ABI2: variants seen among roughly 807,000 people sequenced by gnomAD.
The protein encoded by ABI2 is abelson interactor 2.
In ABI2, 25 loss-of-function variants were observed where a neutral mutation model predicts 59.2. The ratio of observed to expected loss-of-function variants is 0.42; its 90% CI spans 0.31 to 0.59. The LOEUF (loss-of-function observed/expected upper bound fraction) is 0.59, where lower values mean the gene tolerates loss of function less well. ABI2 is among the 20% of genes least tolerant of loss of function. ABI2 has a pLI of 0.14. For synonymous variants in ABI2, 213 were observed against 235.5 expected (o/e 0.90, Z 0.87); for missense variants, 545 against 681.8 (o/e 0.80, Z 2.23).
intron 11 of ABI2, among the ~76,000 whole-genome samples, chr2:203,422,692 G>T (rs1457529568): frequency 9.9e-5 from 15 of 152,168 alleles, no homozygotes; most frequent in African/African-American, 3.4e-4. Flanking sequence ...AAAGTAGAAG[G>T]CCAGTTTTTT....
chr2:203,415,615 T>A (rs1386920934), intron 10 of ABI2, among the ~76,000 whole-genome samples: 12 of 38,742 alleles, frequency 3.1e-4, no homozygotes, highest in African/African-American at 1.0e-3. Context: ...AGACTCCGTC[T>A]CAAAAAAAAA....
chr2:203,362,235 C>T (rs2093615818), intron 1 of ABI2, among the ~76,000 whole-genome samples: 1 of 152,068 alleles, frequency 6.6e-6, no homozygotes, highest in Non-Finnish European at 1.5e-5. Flanking sequence ...CTATTGTGGT[C>T]TGTTTTTCAT....
chr2:203,381,605 A>G (rs1559282285), intron 3 of ABI2, among the ~76,000 whole-genome samples: 2 of 152,224 alleles, frequency 1.3e-5, no homozygotes, highest in African/African-American at 4.8e-5. Flanking sequence ...ATGCATTTAG[A>G]TTACTAATAA....
At chr2:203,333,920 ATTTTTTCTTTTC>A (rs1223570785) in intron 1 of ABI2, among the ~76,000 whole-genome samples, 1 of 148,644 alleles carries the variant, frequency 6.7e-6, no homozygotes, top group African/African-American at 2.5e-5. Context: ...CTGTTCATTT[ATTTTTTCTTTTC>A]TTTTTTCTTT....
chr2:203,346,162 A>T (rs1320149680), intron 1 of ABI2, among the ~76,000 whole-genome samples: 1 of 151,956 alleles, frequency 6.6e-6, no homozygotes, highest in Admixed American at 6.6e-5. Context: ...AAAAAAAAAA[A>T]TTGCTTGTAA....
chr2:203,345,156 TA>T (rs1362605387), intron 1 of ABI2, among the ~76,000 whole-genome samples: 1 of 152,166 alleles, frequency 6.6e-6, no homozygotes, highest in Admixed American at 6.5e-5. Context: ...TTATGAGTTG[TA>T]ACACTCACAT....
At chr2:203,397,133 A>G (rs1237014924) in intron 8 of ABI2, among the ~76,000 whole-genome samples, 166 bp downstream of exon 8, 1 of 152,168 alleles carries the variant, frequency 6.6e-6, no homozygotes, top group Non-Finnish European at 1.5e-5. Context: ...GCATTTCCTG[A>G]GAAAATTGAG....
rs1407473900 is a variant in ABI2 at position 203,428,168 on chromosome 2, C to T, written c.*816C>T. Reference sequence around the variant, plus strand: ...GTGTGTGAAGCTAGACACGAAGGTCCCTAAGGTTCTGAAGAGACTTGAACT... The same window carrying T: ...GTGTGTGAAGCTAGACACGAAGGTCTCTAAGGTTCTGAAGAGACTTGAACT... On this transcript the variant is annotated 3_prime_UTR_variant, in exon 12 of 12. Transcript: ENST00000261018. 1.3e-5 allele frequency: 2 copies of T among 152,442 alleles called. No homozygotes were observed. Among genetic ancestry groups the T allele is most frequent in the African/African-American group, 4.8e-5 (2 of 41,396 alleles). 9.4% of individuals were successfully genotyped at this position (152,442 alleles called of 1,614,324 possible).
chr2:203,406,376 T>C (rs2097426690), intron 9 of ABI2, among the ~76,000 whole-genome samples: 1 of 152,318 alleles, frequency 6.6e-6, no homozygotes, highest in African/African-American at 2.4e-5. Flanking sequence ...AAAGTGAATG[T>C]TGGTTCCAAG....
At chr2:203,341,613 G>A (rs2079962827) in intron 1 of ABI2, among the ~76,000 whole-genome samples, 1 of 152,086 alleles carries the variant, frequency 6.6e-6, no homozygotes, top group Non-Finnish European at 1.5e-5. Flanking sequence ...GGGAGGCTGA[G>A]GCACGAGAGT....
At chr2:203,404,751 G>T (rs1199861951) in intron 9 of ABI2, among the ~76,000 whole-genome samples, 2 of 152,084 alleles carry the variant, frequency 1.3e-5, no homozygotes, top group Non-Finnish European at 2.9e-5. Context: ...TAGAGACAGG[G>T]TTTCACCATA....
At position 203,391,111 on chromosome 2, in the gene ABI2, T is replaced by C. The variant is rs991577243; in HGVS notation, c.546T>C (p.Pro182=). Residue 182 remains proline, a synonymous_variant, in exon 5 of 12, where the codon CCT becomes CCC. Coordinates refer to ENST00000261018, the MANE Select transcript of ABI2 (RefSeq NM_001375670.1). The part of the protein sequence containing the change: ...PRTTPPTQKP[P]SPPMSGKGTL... ...CAACACCTCCAACTCAGAAGCCCCC[T>C]AGTCCCCCTATGTCAGGGAAAGGGA... The C allele has an allele frequency of 6.2e-7, 1 of 1,613,626 alleles. No homozygotes were observed. The highest frequency in any genetic ancestry group is 8.5e-7 in the Non-Finnish European group (1 of 1,179,844).
chr2:203,352,031 A>C (rs2088983647), intron 1 of ABI2, among the ~76,000 whole-genome samples: 1 of 152,156 alleles, frequency 6.6e-6, no homozygotes, highest in South Asian at 2.1e-4. Context: ...GGTGTAAACA[A>C]ACCTACTTCG....
chr2:203,340,324 A>T (rs1482331334), intron 1 of ABI2, among the ~76,000 whole-genome samples: 1 of 152,192 alleles, frequency 6.6e-6, no homozygotes, highest in African/African-American at 2.4e-5. Flanking sequence ...ACTGTGTAGT[A>T]ACTATAGTTA....
intron 4 of ABI2, among the ~76,000 whole-genome samples, chr2:203,383,836 T>C (rs533931150): frequency 6.6e-6 from 1 of 152,286 alleles, no homozygotes; most frequent in East Asian, 1.9e-4. Flanking sequence ...AAAACCTATT[T>C]AAGACCTAGT....
chr2:203,405,929 G>T (rs1487849688), intron 9 of ABI2, among the ~76,000 whole-genome samples: 2 of 152,174 alleles, frequency 1.3e-5, no homozygotes, highest in East Asian at 1.9e-4. Context: ...CCAGTGTCTA[G>T]TGCCAAGTCT....
intron 8 of ABI2, among the ~76,000 whole-genome samples, chr2:203,398,374 A>G (rs78181293): frequency 1.4e-3 from 212 of 152,348 alleles, no homozygotes; most frequent in African/African-American, 4.9e-3. Context: ...GTAATTAAAT[A>G]TTAATTGAAT....
chr2:203,416,873 C>CAT lies in ABI2; in HGVS notation c.1280-31_1280-30dup, dbSNP rs548786008. ...ATAGGAAATACTGAACTTTGCATAA[C>CAT]ATATAGTTTTGTTGTCAGCCTGATA... On this transcript the variant is annotated intron_variant, in intron 10 of 11. Transcript: ENST00000261018. The CAT allele has an allele frequency of 2.0e-4, 310 of 1,569,214 alleles. 1 individual carries two copies. The highest frequency in any genetic ancestry group is 2.6e-4 in the Non-Finnish European group (296 of 1,156,516).
intron 8 of ABI2, among the ~76,000 whole-genome samples, chr2:203,400,586 A>G (rs978302175): frequency 6.6e-6 from 1 of 152,222 alleles, no homozygotes; most frequent in African/African-American, 2.4e-5. Flanking sequence ...ATGGTTACAG[A>G]GGCTTCTCAG....
Sources: gnomAD v4.1 joint callset for allele counts (sites outside exome capture counted in the v4.1 genomes callset) on GRCh38, gnomAD v4.1.1 for gene constraint, MANE v1.5 for transcripts, NCBI Gene and HGNC (gene_info 2026-07-23, HGNC 2026-07-21) for gene names.